NAA15: variants seen among roughly 807,000 people sequenced by gnomAD.
NAA15 encodes the protein N-terminal acetyltransferase.
NAA15 carries 34 observed loss-of-function variants against 114.0 expected under a neutral mutation model. The ratio of observed to expected loss-of-function variants is 0.30; its 90% CI spans 0.23 to 0.40. NAA15 has a LOEUF of 0.40. Ranked by LOEUF, NAA15 falls within the 10% of genes least tolerant of loss-of-function variation. The pLI is 1.00. For synonymous variants in NAA15, 340 were observed against 338.0 expected, an observed-to-expected ratio of 1.01 and a Z score of -0.06; for missense variants, 658 against 1,004.5, an observed-to-expected ratio of 0.66 and a Z score of 4.66.
At chr4:139,385,300 A>T (rs1393272769) in intron 18 of NAA15, among the ~76,000 whole-genome samples, 20 of 90,174 alleles carry the variant, frequency 2.2e-4, no homozygotes, top group East Asian at 1.4e-3. Context: ...ATATATATAT[A>T]ATATATATTA....
intron 16 of NAA15, among the ~76,000 whole-genome samples, chr4:139,378,304 A>C (rs1035555573): frequency 6.6e-6 from 1 of 152,196 alleles, no homozygotes; most frequent in African/African-American, 2.4e-5. Context: ...CTTGGTAACT[A>C]TTCTACCTTT....
intron 1 of NAA15, among the ~76,000 whole-genome samples, chr4:139,317,809 C>T (rs1746464507): frequency 6.6e-6 from 1 of 152,136 alleles, no homozygotes; most frequent in African/African-American, 2.4e-5. Flanking sequence ...TTCAAACTCT[C>T]TTGGAAGTAT....
At chr4:139,355,323 G>A (rs1424708055) in intron 10 of NAA15, among the ~76,000 whole-genome samples, 1 of 151,832 alleles carries the variant, frequency 6.6e-6, no homozygotes, top group Non-Finnish European at 1.5e-5. Flanking sequence ...GAATTTGGTT[G>A]ATGTGTCTCT....
At chr4:139,372,777 G>T (rs1748479185) in intron 15 of NAA15, among the ~76,000 whole-genome samples, 2 of 147,676 alleles carry the variant, frequency 1.4e-5, no homozygotes, top group South Asian at 2.1e-4. Context: ...CTTCTATGTG[G>T]TAAATGGCAA....
chr4:139,360,808 A>C (rs930535321), intron 13 of NAA15, among the ~76,000 whole-genome samples, 180 bp downstream of exon 13: 26 of 152,032 alleles, frequency 1.7e-4, no homozygotes, highest in African/African-American at 6.3e-4. Flanking sequence ...CAGGGTCTCT[A>C]TTGTCTTGTG....
chr4:139,365,787 G>T (rs1748262702), intron 14 of NAA15, among the ~76,000 whole-genome samples: 6 of 152,146 alleles, frequency 3.9e-5, no homozygotes, highest in Admixed American at 2.6e-4. Flanking sequence ...GGAAGTCAGA[G>T]CTGCAGTGAA....
intron 15 of NAA15, among the ~76,000 whole-genome samples, chr4:139,372,575 C>T (rs1748471729): frequency 6.6e-6 from 1 of 152,174 alleles, no homozygotes; most frequent in Non-Finnish European, 1.5e-5. Flanking sequence ...CAAGATGCCC[C>T]TGTCTAAAAG....
At chr4:139,324,639 A>G (rs1222023791) in intron 1 of NAA15, among the ~76,000 whole-genome samples, 1 of 152,208 alleles carries the variant, frequency 6.6e-6, no homozygotes, top group Non-Finnish European at 1.5e-5. Flanking sequence ...TTCCCTAAAA[A>G]GTTAGTTTAG....
chr4:139,372,339 A>G (rs1748465186), intron 15 of NAA15, among the ~76,000 whole-genome samples: 1 of 152,218 alleles, frequency 6.6e-6, no homozygotes, highest in African/African-American at 2.4e-5. Flanking sequence ...CCTTGGGTCC[A>G]GGGTGTCATA....
In NAA15 at chr4:139,301,567, A is replaced by C; in HGVS notation, c.-211A>C. 3 of 583,698 alleles carry C rather than the reference A, an allele frequency of 5.1e-6. No individual in the cohort carries two copies. The highest frequency in any genetic ancestry group is 3.1e-5 in the East Asian group (1 of 32,360). 36.2% of individuals were successfully genotyped at this position (583,698 alleles called of 1,614,324 possible). Reference sequence around the variant, plus strand: ...CGCCGACGGAGACCCGTAGTGGGGGAGGCGGCGGCAGCGTTAAGTGAGAAA... The same window carrying C: ...CGCCGACGGAGACCCGTAGTGGGGGCGGCGGCGGCAGCGTTAAGTGAGAAA... On this transcript the variant is annotated 5_prime_UTR_variant, in exon 1 of 20. Transcript: ENST00000296543.
rs1747994284 is a variant in NAA15, at chr4:139,357,477, T to A, written c.1179T>A (p.Ala393=). The A allele has an allele frequency of 1.2e-6, 2 of 1,613,434 alleles. No individual in the cohort carries two copies. Among genetic ancestry groups the A allele is most frequent in the Non-Finnish European group, 1.7e-6 (2 of 1,179,426 alleles). ...ACAAAATTGGTCAGCCATCTATTGC[T>A]TTGGAGTACATAAATACTGCTATTG... The part of the protein sequence containing the change: ...HYDKIGQPSI[A]LEYINTAIES... Residue 393 remains alanine (A), a synonymous_variant, in exon 11 of 20, where the codon GCT becomes GCA. Transcript: ENST00000296543.
At chr4:139,303,956 C>T (rs34029735) in intron 1 of NAA15, among the ~76,000 whole-genome samples, 40,394 of 152,040 alleles carry the variant, frequency 0.27, 5,687 homozygotes, top group African/African-American at 0.35. Flanking sequence ...CTCGCTCTGT[C>T]GCCCAGGCTG....
At chr4:139,305,756 A>G (rs947519280) in intron 1 of NAA15, among the ~76,000 whole-genome samples, 1 of 151,512 alleles carries the variant, frequency 6.6e-6, no homozygotes, top group Non-Finnish European at 1.5e-5. Context: ...CTCGTCTCAA[A>G]CTCCCAGCCT....
chr4:139,330,784 C>G (rs994487387), intron 1 of NAA15, among the ~76,000 whole-genome samples: 4 of 152,152 alleles, frequency 2.6e-5, no homozygotes, highest in Non-Finnish European at 4.4e-5. Context: ...GTACTCCAGT[C>G]TGGGCCACAG....
chr4:139,386,245 A>G lies in NAA15; in HGVS notation c.2400+15A>G. ...GAAACCTCCAGGTAAAGAGTTTTTC[A>G]TAATCTCTCTGTAAGAATACTTAAC... On this transcript the variant is annotated intron_variant, in intron 19 of 19. Coordinates refer to ENST00000296543, the MANE Select transcript of NAA15 (RefSeq NM_057175.5). 2 of 1,445,094 alleles carry G rather than the reference A, an allele frequency of 1.4e-6. No homozygotes were observed. The highest frequency in any genetic ancestry group is 1.2e-5 in the South Asian group (1 of 85,254). The allele number at this position is 1,445,094 out of a possible 1,614,324, so 89.5% of individuals were successfully genotyped here.
chr4:139,386,116 A>G lies in NAA15; in HGVS notation c.2303-17A>G, dbSNP rs2111009696. The G allele has an allele frequency of 7.0e-7, 1 of 1,422,420 alleles. No individual in the cohort carries two copies. 88.1% of individuals were successfully genotyped at this position (1,422,420 alleles called of 1,614,324 possible). ...GGTTTTACCTTGAAATAAATTTCCT[A>G]TTTCCCTCTCATTTAGCTGCCAAAA... On this transcript the variant is annotated splice_polypyrimidine_tract_variant and intron_variant, in intron 18 of 19. Coordinates refer to ENST00000296543, the MANE Select transcript of NAA15 (RefSeq NM_057175.5).
chr4:139,308,783 G>A (rs922523914), intron 1 of NAA15, among the ~76,000 whole-genome samples: 1 of 152,036 alleles, frequency 6.6e-6, no homozygotes, highest in Admixed American at 6.5e-5. Flanking sequence ...ACCCAGCTAA[G>A]TTTTATATTT....
At chr4:139,385,168 G>A (rs1748861165) in intron 18 of NAA15, among the ~76,000 whole-genome samples, 190 bp downstream of exon 18, 2 of 150,592 alleles carry the variant, frequency 1.3e-5, no homozygotes, top group Non-Finnish European at 2.9e-5. Flanking sequence ...GGTAGTCCCA[G>A]CTACTCAGGA....
rs2110934149 is a variant in NAA15 at position 139,351,189 on chromosome 4, A to G, written c.812-2A>G. On this transcript the variant is annotated splice_acceptor_variant, in intron 7 of 19. Transcript: ENST00000296543. LOFTEE classifies it high-confidence loss of function. ...TAACAAAGAATTTTTCTTTGTTTGC[A>G]GCTAATATGTTAGAACGGCTAAAAA... The G allele has an allele frequency of 6.5e-7, 1 of 1,543,496 alleles. No individual in the cohort carries two copies. The highest frequency in any genetic ancestry group is 8.8e-7 in the Non-Finnish European group (1 of 1,136,806).
Sources: gnomAD v4.1 joint callset for allele counts (sites outside exome capture counted in the v4.1 genomes callset) on GRCh38, gnomAD v4.1.1 for gene constraint, MANE v1.5 for transcripts, NCBI Gene and HGNC (gene_info 2026-07-23, HGNC 2026-07-21) for gene names.